CSMD1: variants seen among roughly 807,000 people sequenced by gnomAD.
CSMD1 encodes the protein CUB and Sushi multiple domains 1, also known as CUB and sushi domain-containing protein 1.
In CSMD1, 213 loss-of-function variants were observed where a neutral mutation model predicts 417.5. That is an observed-to-expected ratio of 0.51 (90% CI 0.46 to 0.57). CSMD1 has a LOEUF of 0.57. Among genes scored for constraint, CSMD1 ranks in the 20% least tolerant of loss-of-function variants. The pLI is 0.00. For missense variants in CSMD1, 6,923 were observed against 4,529.7 expected (o/e 1.53, Z -15.17); for synonymous variants, 2,862 against 1,736.8 (o/e 1.65, Z -16.11).
chr8:3,307,296 C>G (rs1053394942), intron 25 of CSMD1, among the ~76,000 whole-genome samples: 2 of 151,932 alleles, frequency 1.3e-5, no homozygotes, highest in African/African-American at 4.8e-5. Context: ...TGCAGGGGCT[C>G]CTGCTTTCCC....
intron 3 of CSMD1, among the ~76,000 whole-genome samples, chr8:4,326,630 T>C (rs1010257383): frequency 3.3e-5 from 5 of 151,958 alleles, no homozygotes; most frequent in Admixed American, 6.6e-5. Context: ...TCAGAACATA[T>C]AGGATAAAAG....
intron 3 of CSMD1, among the ~76,000 whole-genome samples, chr8:4,261,154 T>C (rs920561000): frequency 6.6e-6 from 1 of 152,194 alleles, no homozygotes; most frequent in Non-Finnish European, 1.5e-5. Flanking sequence ...TTCTACTGGC[T>C]TGAAAGTTGT....
intron 1 of CSMD1, among the ~76,000 whole-genome samples, chr8:4,750,592 G>A (rs1447566466): frequency 6.6e-6 from 1 of 151,956 alleles, no homozygotes; most frequent in Non-Finnish European, 1.5e-5. Flanking sequence ...ATTCTGAGTG[G>A]TTCGTGATCC....
intron 3 of CSMD1, among the ~76,000 whole-genome samples, chr8:4,346,308 G>C (rs904756912): frequency 1.3e-5 from 2 of 152,190 alleles, no homozygotes; most frequent in African/African-American, 4.8e-5. Context: ...TTAAATTTCA[G>C]TGACCATAAA....
At chr8:4,060,106 G>C (rs1253075231) in intron 3 of CSMD1, among the ~76,000 whole-genome samples, 1 of 152,018 alleles carries the variant, frequency 6.6e-6, no homozygotes, top group African/African-American at 2.4e-5. Context: ...TGATCAAGTG[G>C]GCTTCATCCC....
chr8:4,868,905 A>C (rs1224851427), intron 1 of CSMD1, among the ~76,000 whole-genome samples: 2 of 152,096 alleles, frequency 1.3e-5, no homozygotes, highest in Non-Finnish European at 2.9e-5. Flanking sequence ...CACGTTTTCT[A>C]ACAGGGCAAT....
At chr8:4,252,763 C>A (rs182366612) in intron 3 of CSMD1, among the ~76,000 whole-genome samples, 24 of 152,318 alleles carry the variant, frequency 1.6e-4, no homozygotes, top group African/African-American at 5.8e-4. Flanking sequence ...ACTGCAGTGG[C>A]AGACATACAC....
At chr8:3,040,414 A>AT (rs1811008669) in intron 50 of CSMD1, among the ~76,000 whole-genome samples, 3 of 142,852 alleles carry the variant, frequency 2.1e-5, no homozygotes, top group Non-Finnish European at 3.1e-5. Flanking sequence ...ATATATATAT[A>AT]ACAGAAATAT....
intron 46 of CSMD1, among the ~76,000 whole-genome samples, chr8:3,102,939 C>A (rs1360945630): frequency 6.6e-6 from 1 of 152,096 alleles, no homozygotes; most frequent in African/African-American, 2.4e-5. Flanking sequence ...TGAAGAAACT[C>A]CCCAGGCCTC....
chr8:4,561,507 A>C (rs1585251844), intron 2 of CSMD1, among the ~76,000 whole-genome samples: 1 of 152,102 alleles, frequency 6.6e-6, no homozygotes, highest in African/African-American at 2.4e-5. Context: ...ACATGGTGAA[A>C]CCCTGTCTCT....
At chr8:3,557,154 T>C (rs964072677) in intron 10 of CSMD1, among the ~76,000 whole-genome samples, 1 of 152,200 alleles carries the variant, frequency 6.6e-6, no homozygotes, top group Admixed American at 6.5e-5. Context: ...ATATTTTGTG[T>C]GTTACATTCA....
intron 5 of CSMD1, among the ~76,000 whole-genome samples, chr8:3,933,735 G>A (rs1161205128): frequency 6.6e-6 from 1 of 152,138 alleles, no homozygotes; most frequent in Non-Finnish European, 1.5e-5. Context: ...AAATCCTAAA[G>A]GAGAAATGAG....
At chr8:3,583,761 C>T (rs558725669) in intron 9 of CSMD1, among the ~76,000 whole-genome samples, 4 of 152,144 alleles carry the variant, frequency 2.6e-5, no homozygotes, top group East Asian at 3.9e-4. Context: ...AAAGGCAGAG[C>T]GTGTGGCTGC....
At chr8:3,275,712 T>A (rs1040821508) in intron 26 of CSMD1, among the ~76,000 whole-genome samples, 2 of 152,252 alleles carry the variant, frequency 1.3e-5, no homozygotes, top group African/African-American at 4.8e-5. Context: ...TTCTTCCAGT[T>A]GATCGCATCG....
chr8:3,288,446 G>T (rs896930108), intron 25 of CSMD1, among the ~76,000 whole-genome samples: 1 of 146,874 alleles, frequency 6.8e-6, no homozygotes, highest in African/African-American at 2.7e-5. Flanking sequence ...TTTTTGGTTG[G>T]TAAGCTACTG....
intron 3 of CSMD1, among the ~76,000 whole-genome samples, chr8:4,107,651 C>T (rs908949935): frequency 4.6e-5 from 7 of 152,116 alleles, no homozygotes; most frequent in Non-Finnish European, 8.8e-5. Flanking sequence ...ACCGAAAGCT[C>T]ATTTGAAGTA....
At chr8:3,292,301 T>G (rs1172683641) in intron 25 of CSMD1, among the ~76,000 whole-genome samples, 5 of 151,998 alleles carry the variant, frequency 3.3e-5, no homozygotes, top group East Asian at 1.9e-4. Flanking sequence ...AATGTATATT[T>G]TGTTGATTTG....
At chr8:4,432,212 A>C (rs1364362808) in intron 2 of CSMD1, among the ~76,000 whole-genome samples, 1 of 152,248 alleles carries the variant, frequency 6.6e-6, no homozygotes, top group African/African-American at 2.4e-5. Context: ...TGGAATTTAA[A>C]AATTTTGTCA....
intron 5 of CSMD1, among the ~76,000 whole-genome samples, chr8:3,851,728 G>A (rs758413958): frequency 1.2e-4 from 19 of 152,174 alleles, no homozygotes; most frequent in Non-Finnish European, 2.2e-4. Context: ...TTAAAGGAAA[G>A]AGAGAGAACA....
Sources: gnomAD v4.1 joint callset for allele counts (sites outside exome capture counted in the v4.1 genomes callset) on GRCh38, gnomAD v4.1.1 for gene constraint, MANE v1.5 for transcripts, NCBI Gene and HGNC (gene_info 2026-07-23, HGNC 2026-07-21) for gene names.